The following EP400 variants were observed in gnomAD, a reference collection of about 807,000 sequenced individuals.
EP400 encodes E1A binding protein p400.
Under a neutral mutation model 354.1 loss-of-function variants are expected in EP400, and 105 were observed. That is an observed-to-expected ratio of 0.30 (90% CI 0.25 to 0.35). The LOEUF (loss-of-function observed/expected upper bound fraction) is 0.35. EP400 is among the 10% of genes least tolerant of loss of function. The pLI, the probability that EP400 is intolerant of heterozygous loss-of-function variation, is 1.00. For synonymous variants in EP400, 1,646 were observed against 1,716.9 expected, an observed-to-expected ratio of 0.96 and a Z score of 1.02; for missense variants, 3,280 against 4,121.0, an observed-to-expected ratio of 0.80 and a Z score of 5.59.
rs958830467 is a variant in EP400 at position 132,011,471 on chromosome 12, T to C, written c.3305-27T>C. On this transcript the variant is annotated intron_variant, in intron 15 of 52. Coordinates refer to ENST00000389561, the MANE Select transcript of EP400 (RefSeq NM_015409.5). Reference sequence around the variant, plus strand: ...CCTGGACATGACAGATACTTTGACGTGGAAAATTCTGTTTTTTGCTTTGTA... The same window carrying C: ...CCTGGACATGACAGATACTTTGACGCGGAAAATTCTGTTTTTTGCTTTGTA... The C allele has an allele frequency of 2.5e-6, 4 of 1,611,272 alleles. No individual in the cohort carries two copies. The African/African-American group carries it at 4.0e-5, about 16-fold the overall frequency.
chr12:132,036,390 A>G (rs1181729046), intron 30 of EP400, among the ~76,000 whole-genome samples: 1 of 150,914 alleles, frequency 6.6e-6, no homozygotes, highest in Non-Finnish European at 1.5e-5. Flanking sequence ...ACCCGGGTTC[A>G]CACGGAGCAT....
intron 12 of EP400, among the ~76,000 whole-genome samples, chr12:132,001,906 T>A (rs1893428263): frequency 6.6e-6 from 1 of 152,250 alleles, no homozygotes; most frequent in South Asian, 2.1e-4. Flanking sequence ...TATTCGTATA[T>A]AATCATGTCT....
intron 47 of EP400, 49 bp from the exon 48 acceptor site, chr12:132,064,619 A>G: frequency 6.3e-7 from 1 of 1,585,416 alleles, no homozygotes; most frequent in Non-Finnish European, 8.6e-7. Context: ...CTACTTAAAG[A>G]ATGGAGCACA....
chr12:132,039,621 T>G (rs1248719543), intron 32 of EP400, among the ~76,000 whole-genome samples: 3 of 152,228 alleles, frequency 2.0e-5, no homozygotes. Flanking sequence ...AGAGATTGCA[T>G]GTGTATCATT....
chr12:132,039,239 A>G (rs1410516960), intron 32 of EP400, among the ~76,000 whole-genome samples: 1 of 152,214 alleles, frequency 6.6e-6, no homozygotes, highest in Non-Finnish European at 1.5e-5. Flanking sequence ...GTTGCTGTAA[A>G]GGAATACCTG....
chr12:132,073,919 GTTTTTTTTT>G (rs34186152), intron 51 of EP400, among the ~76,000 whole-genome samples: 1 of 82,134 alleles, frequency 1.2e-5, no homozygotes, highest in Non-Finnish European at 2.2e-5. Flanking sequence ...GTTTTTTGGG[GTTTTTTTTT>G]TTTTTTTTTT....
chr12:132,053,590 C>T lies in EP400; in HGVS notation c.7721C>T (p.Ala2574Val), dbSNP rs1176808792. Residue 2574 changes from alanine (A) to valine (V), a missense_variant, in exon 43 of 53, where the codon GCC (alanine) becomes GTC (valine). Coordinates refer to ENST00000389561, the MANE Select transcript of EP400 (RefSeq NM_015409.5). ...QPAITTGGSA[A>V]VLAGTIKTSV... is the part of the protein sequence containing the mutation. The stretch of plus-strand genomic sequence containing the variant: ...GCAATCACGACGGGGGGCAGTGCAG[C>T]CGTACTGGTGAGCAGGGGCCTCCTC... The T allele has an allele frequency of 3.9e-6, 6 of 1,553,814 alleles. No individual in the cohort carries two copies. The highest frequency in any genetic ancestry group is 5.2e-6 in the Non-Finnish European group (6 of 1,154,948).
chr12:131,964,823 G>A (rs1892022024), intron 2 of EP400, among the ~76,000 whole-genome samples: 1 of 152,164 alleles, frequency 6.6e-6, no homozygotes, highest in Non-Finnish European at 1.5e-5. Flanking sequence ...TCAGGAAATT[G>A]TACAGTAGTA....
At chr12:131,971,873 T>C (rs1466651820) in intron 2 of EP400, among the ~76,000 whole-genome samples, 2 of 152,198 alleles carry the variant, frequency 1.3e-5, no homozygotes, top group Non-Finnish European at 2.9e-5. Context: ...ATGGATTGTT[T>C]AGTGAAAGAT....
At chr12:132,044,534 CATTT>C in intron 35 of EP400, 133 bp from the exon 36 acceptor site, 1 of 1,216,912 alleles carries the variant, frequency 8.2e-7, no homozygotes, top group Non-Finnish European at 1.2e-6. Context: ...CTGATTAAAA[CATTT>C]ATAAGTCTTA....
chr12:132,067,321 T>C lies in EP400; in HGVS notation c.8750-41T>C, dbSNP rs772268829. The C allele has an allele frequency of 6.3e-7, 1 of 1,598,878 alleles. No homozygotes were observed. Among genetic ancestry groups the C allele is most frequent in the Non-Finnish European group, 8.5e-7 (1 of 1,170,614 alleles). On this transcript the variant is annotated intron_variant, in intron 49 of 52. Coordinates refer to ENST00000389561, the MANE Select transcript of EP400 (RefSeq NM_015409.5). This position sits in a 1 kb window ranked among gnomAD's most constrained non-coding sequence, Gnocchi z 5.3. Reference sequence around the variant, plus strand: ...AGAGCTTGGCGTGAGCCTCAAGCTCTTTTCCCAGTGTGCTGACTAAGGGGC... The same window carrying C: ...AGAGCTTGGCGTGAGCCTCAAGCTCCTTTCCCAGTGTGCTGACTAAGGGGC...
chr12:132,077,416 G>A lies in EP400; in HGVS notation c.9115G>A (p.Val3039Met), dbSNP rs776566172. 4 of 1,611,848 alleles carry A rather than the reference G, an allele frequency of 2.5e-6. No homozygotes were observed. Among genetic ancestry groups the A allele is most frequent in the African/African-American group, 2.7e-5 (2 of 74,902 alleles). Reference sequence around the variant, plus strand: ...CTCGGCTCAGGCTTCTCCACAGACTGTGGCGCTCACGCAGGCGACGGCGGC... The same window carrying A: ...CTCGGCTCAGGCTTCTCCACAGACTATGGCGCTCACGCAGGCGACGGCGGC... Reference protein sequence around the residue: ...SASQQASPQTVALTQATAAGQ... With the variant: ...SASQQASPQTMALTQATAAGQ... Residue 3039 changes from valine to methionine, a missense_variant, in exon 53 of 53, where the codon GTG becomes ATG. Physicochemically the swap from Val to Met is conservative, Grantham distance 21 (BLOSUM62 1). Transcript: ENST00000389561.
chr12:131,963,804 T>A (rs1219175319), intron 2 of EP400, among the ~76,000 whole-genome samples: 1 of 152,244 alleles, frequency 6.6e-6, no homozygotes, highest in Non-Finnish European at 1.5e-5. Flanking sequence ...ATTATAAAAT[T>A]AAATTGCATG....
chr12:132,029,628 C>A lies in EP400; in HGVS notation c.5382-73C>A. On this transcript the variant is annotated intron_variant, in intron 27 of 52. Transcript: ENST00000389561. This position sits in a 1 kb window ranked among gnomAD's most constrained non-coding sequence, Gnocchi z 4.7. ...TTGGACTGTCAGAAGTCTGCCCCATCTTTCAGGAGCCCCCATGCTGGGTGA... is the reference window on the plus strand; with the variant it reads ...TTGGACTGTCAGAAGTCTGCCCCATATTTCAGGAGCCCCCATGCTGGGTGA... 1 of 1,521,002 alleles carries A rather than the reference C, an allele frequency of 6.6e-7. No homozygotes were observed. Among genetic ancestry groups the A allele is most frequent in the Middle Eastern group, 2.4e-4 (1 of 4,152 alleles). 94.2% of individuals were successfully genotyped at this position (1,521,002 alleles called of 1,614,324 possible).
rs1213663244 is a variant in EP400 at position 132,050,850 on chromosome 12, C to T, written c.7394+195C>T. 1 of 637,342 alleles carries T rather than the reference C, an allele frequency of 1.6e-6. No individual in the cohort carries two copies. Among genetic ancestry groups the T allele is most frequent in the Admixed American group, 2.7e-5 (1 of 37,672 alleles). 39.5% of individuals were successfully genotyped at this position (637,342 alleles called of 1,614,324 possible). ...TAGGGTATGCATAGGACGGCCCCTGCCCTGTCTCTGTGTTACAGGGATTGT... is the reference window on the plus strand; with the variant it reads ...TAGGGTATGCATAGGACGGCCCCTGTCCTGTCTCTGTGTTACAGGGATTGT... On this transcript the variant is annotated intron_variant, in intron 41 of 52. Transcript: ENST00000389561. This position sits in a 1 kb window ranked among gnomAD's most constrained non-coding sequence, Gnocchi z 4.8.
At chr12:132,073,352 A>C (rs1180621115) in intron 51 of EP400, among the ~76,000 whole-genome samples, 1 of 151,826 alleles carries the variant, frequency 6.6e-6, no homozygotes, top group Non-Finnish European at 1.5e-5. Flanking sequence ...GTATGAAGTT[A>C]ACGATGGCCT....
At position 131,982,481 on chromosome 12, in the gene EP400, A is replaced by T. The variant is rs549328454; in HGVS notation, c.1929+3A>T. 9 of 1,587,966 alleles carry T rather than the reference A, an allele frequency of 5.7e-6. No homozygotes were observed. On this transcript the variant is annotated splice_donor_region_variant and intron_variant, in intron 5 of 52. Transcript: ENST00000389561. ...CTCAGCTTTCCTCCCTGCCACAGGT[A>T]TGAGAAAAGATAGAGGAAAAAAAGA...
At chr12:132,063,153 T>C (rs1593384064) in intron 47 of EP400, among the ~76,000 whole-genome samples, 1 of 152,228 alleles carries the variant, frequency 6.6e-6, no homozygotes, top group African/African-American at 2.4e-5. Context: ...GGAGTACTGA[T>C]GTACCTGATT....
At position 131,972,038 on chromosome 12, in the gene EP400, G is replaced by A. The variant is rs139904475; in HGVS notation, c.1336-7656G>A. ...CAAGGAGCCTCCATTTTGAGTTACA[G>A]ACTTGCGGCAGGTGACAGTGGATGT... On this transcript the variant is annotated intron_variant, in intron 2 of 52. Transcript: ENST00000389561. Among the ~76,000 whole-genome samples, 621 of 152,294 alleles carry A rather than the reference G, an allele frequency of 4.1e-3. 2 individuals carry two copies. Among genetic ancestry groups the A allele is most frequent in the Non-Finnish European group, 6.9e-3 (469 of 68,032 alleles).
Sources: gnomAD v4.1 joint callset for allele counts (sites outside exome capture counted in the v4.1 genomes callset) on GRCh38, gnomAD v4.1.1 for gene constraint, Gnocchi (gnomAD v3.1) non-coding constraint, MANE v1.5 for transcripts, NCBI Gene and HGNC (gene_info 2026-07-23, HGNC 2026-07-21) for gene names.